PDCD6: variants seen among roughly 807,000 people sequenced by gnomAD.
PDCD6 encodes the protein programmed cell death 6, also known as programmed cell death protein 6.
Under a neutral mutation model 28.3 loss-of-function variants are expected in PDCD6, and 12 were observed. That is an observed-to-expected ratio of 0.42 (90% CI 0.27 to 0.69). The LOEUF is 0.69. Among genes scored for constraint, PDCD6 ranks in the 30% least tolerant of loss-of-function variants. PDCD6 has a pLI of 0.22. For synonymous variants in PDCD6, 92 were observed against 108.0 expected (o/e 0.85, Z 0.92); for missense variants, 226 against 269.9 (o/e 0.84, Z 1.14).
chr5:303,449 C>T (rs575948133), intron 2 of PDCD6, among the ~76,000 whole-genome samples: 111 of 151,818 alleles, frequency 7.3e-4, no homozygotes, highest in Admixed American at 3.1e-3. Flanking sequence ...TTCTTGTGTG[C>T]GAAGGTCATC....
chr5:276,814 C>T, intron 2 of PDCD6: 1 of 985,418 alleles, frequency 1.0e-6, no homozygotes, highest in Non-Finnish European at 1.2e-6. Context: ...ACACTGATTC[C>T]TTCATGAGAC....
intron 2 of PDCD6, among the ~76,000 whole-genome samples, chr5:286,308 G>T (rs925394783): frequency 6.6e-6 from 1 of 151,828 alleles, no homozygotes; most frequent in Admixed American, 6.6e-5. Context: ...CAGTTTGAGG[G>T]CCATGCAGCT....
intron 2 of PDCD6, among the ~76,000 whole-genome samples, chr5:294,981 G>C (rs1415541230): frequency 2.0e-5 from 3 of 152,112 alleles, no homozygotes; most frequent in Non-Finnish European, 4.4e-5. Flanking sequence ...GTGCTACCGT[G>C]TTGGGGAGCA....
intron 2 of PDCD6, among the ~76,000 whole-genome samples, chr5:300,356 C>T (rs565905773): frequency 8.5e-4 from 130 of 152,188 alleles, no homozygotes; most frequent in Admixed American, 2.0e-3. Flanking sequence ...AGGAATCCGG[C>T]GCACCCTGTG....
At chr5:293,148 A>T (rs1739413359) in intron 2 of PDCD6, among the ~76,000 whole-genome samples, 1 of 152,168 alleles carries the variant, frequency 6.6e-6, no homozygotes, top group South Asian at 2.1e-4. Context: ...CGACTTTCCC[A>T]TATGGACAAG....
chr5:310,368 T>G (rs1294330226), intron 4 of PDCD6: 1 of 152,846 alleles, frequency 6.5e-6, no homozygotes, highest in East Asian at 1.9e-4. Flanking sequence ...GTAAAATGGC[T>G]GTTTGTGCAG....
chr5:292,307 GGAATGCAGTGGTGT>G (rs199680196), intron 2 of PDCD6, among the ~76,000 whole-genome samples: 1,665 of 152,312 alleles, frequency 0.011, 19 homozygotes, highest in African/African-American at 0.038. Context: ...TGCCCAGGCT[GGAATGCAGTGGTGT>G]GATCTCAGCT....
chr5:287,959 C>T (rs756116751), intron 2 of PDCD6, among the ~76,000 whole-genome samples: 1 of 152,138 alleles, frequency 6.6e-6, no homozygotes, highest in Non-Finnish European at 1.5e-5. Flanking sequence ...ATTCATTCTA[C>T]AAAATAGTAA....
intron 2 of PDCD6, chr5:289,052 A>G (rs1251338052): frequency 1.2e-5 from 16 of 1,298,972 alleles, no homozygotes; most frequent in African/African-American, 8.6e-5. Context: ...CCTCCATTTG[A>G]TTATTTTCCT....
At chr5:303,297 T>TAAAA (rs34022166) in intron 2 of PDCD6, among the ~76,000 whole-genome samples, 6,199 of 129,082 alleles carry the variant, frequency 0.048, 178 homozygotes, top group South Asian at 0.062. Context: ...TTTTTGTGCA[T>TAAAA]AAAAAAAAAA....
intron 2 of PDCD6, among the ~76,000 whole-genome samples, chr5:303,204 C>G (rs779368417): frequency 6.6e-6 from 1 of 151,800 alleles, no homozygotes; most frequent in African/African-American, 2.4e-5. Context: ...CCAGCAGACC[C>G]CACCGCCCGT....
At chr5:278,637 T>A (rs73024874) in intron 2 of PDCD6, among the ~76,000 whole-genome samples, 1 of 150,578 alleles carries the variant, frequency 6.6e-6, no homozygotes, top group African/African-American at 2.5e-5. Context: ...TGCTTCAGCC[T>A]AGGAGGTGAA....
intron 2 of PDCD6, among the ~76,000 whole-genome samples, chr5:300,301 TC>T (rs1206371573): frequency 1.2e-4 from 19 of 152,314 alleles, no homozygotes; most frequent in African/African-American, 4.6e-4. Context: ...CAGGAGAGCC[TC>T]CCTGGTCCGC....
At position 297,798 on chromosome 5, in the gene PDCD6, CTT is replaced by C. The variant is rs1192411747; in HGVS notation, c.164-6377_164-6376del. On this transcript the variant is annotated intron_variant, in intron 2 of 5. Coordinates refer to ENST00000264933, the MANE Select transcript of PDCD6 (RefSeq NM_013232.4). ...TTCTTCATTCAGAATATGGCAAAGA[CTT>C]TAGAAGTCATCCAAAGTATCAGTAA... Among the ~76,000 whole-genome samples the C allele has an allele frequency of 3.3e-5, 5 of 152,258 alleles. No individual in the cohort carries two copies. The East Asian group carries it at 7.7e-4, about 23-fold the overall frequency.
intron 2 of PDCD6, among the ~76,000 whole-genome samples, chr5:290,666 G>A (rs1252609614): frequency 1.3e-5 from 2 of 152,230 alleles, no homozygotes; most frequent in African/African-American, 4.8e-5. Flanking sequence ...AGGTTTCGGC[G>A]CTGATACTGC....
intron 2 of PDCD6, among the ~76,000 whole-genome samples, chr5:302,681 GTC>G (rs1740177827): frequency 6.9e-6 from 1 of 145,802 alleles, no homozygotes; most frequent in Non-Finnish European, 1.5e-5. Flanking sequence ...TGGAGGGTGG[GTC>G]ATCGAGTGCT....
chr5:311,232 G>T, intron 4 of PDCD6, 61 bp from the exon 5 acceptor site: 1 of 1,263,626 alleles, frequency 7.9e-7, no homozygotes, highest in Non-Finnish European at 1.2e-6. Flanking sequence ...GGAGGGGTGA[G>T]TGTTGGCACA....
chr5:290,150 C>G, intron 2 of PDCD6: 2 of 1,589,162 alleles, frequency 1.3e-6, no homozygotes, highest in Non-Finnish European at 8.6e-7. Context: ...GTTCTGAAAT[C>G]ATCCATCACT....
intron 2 of PDCD6, among the ~76,000 whole-genome samples, chr5:299,791 C>A (rs1343846553): frequency 1.3e-5 from 2 of 152,148 alleles, no homozygotes; most frequent in African/African-American, 2.4e-5. Flanking sequence ...CCTGGTGATC[C>A]GCCCGCCTTG....
Sources: allele counts gnomAD v4.1 joint callset (sites outside exome capture counted in the v4.1 genomes callset), GRCh38; gene constraint gnomAD v4.1.1; transcripts MANE v1.5; gene names NCBI Gene and HGNC (gene_info 2026-07-23, HGNC 2026-07-21).